The following UBE2E3 variants were observed in gnomAD, a reference collection of about 807,000 sequenced individuals.
The protein encoded by UBE2E3 is ubiquitin-conjugating enzyme E2 E3.
A neutral mutation model predicts 23.6 loss-of-function variants in UBE2E3; 5 were observed. That is an observed-to-expected ratio of 0.21 (90% CI 0.11 to 0.44). The LOEUF is 0.44. UBE2E3 is among the 20% of genes least tolerant of loss of function. The pLI is 0.99. For missense variants in UBE2E3, 81 were observed against 249.8 expected (o/e 0.32, Z 4.55); for synonymous variants, 78 against 87.5 (o/e 0.89, Z 0.60).
chr2:180,990,686 C>T (rs148220248), intron 3 of UBE2E3, among the ~76,000 whole-genome samples: 21 of 152,248 alleles, frequency 1.4e-4, no homozygotes, highest in Non-Finnish European at 2.5e-4. Context: ...TATATCCCTG[C>T]GTGATCTAGC....
At chr2:181,048,299 A>G (rs1156772382) in intron 3 of UBE2E3, among the ~76,000 whole-genome samples, 7 of 152,140 alleles carry the variant, frequency 4.6e-5, no homozygotes, top group Admixed American at 1.3e-4. Context: ...AGTTTCTTGT[A>G]CAGATTCCTA....
At chr2:181,046,119 A>C (rs143230595) in intron 3 of UBE2E3, among the ~76,000 whole-genome samples, 3 of 152,304 alleles carry the variant, frequency 2.0e-5, no homozygotes, top group Admixed American at 2.0e-4. Flanking sequence ...AGTAAATGTT[A>C]GAAGAGTGAA....
chr2:181,060,407 T>C (rs896087254), intron 4 of UBE2E3, among the ~76,000 whole-genome samples: 3 of 151,714 alleles, frequency 2.0e-5, no homozygotes, highest in African/African-American at 7.3e-5. Context: ...CCCACACACA[T>C]AGATGGAATT....
At chr2:181,044,990 C>T (rs938502566) in intron 3 of UBE2E3, among the ~76,000 whole-genome samples, 1 of 152,096 alleles carries the variant, frequency 6.6e-6, no homozygotes, top group African/African-American at 2.4e-5. Flanking sequence ...TTACATAGGA[C>T]ACTAAAATAA....
intron 3 of UBE2E3, among the ~76,000 whole-genome samples, chr2:181,026,713 T>C (rs1022009776): frequency 6.6e-6 from 1 of 151,702 alleles, no homozygotes. Context: ...TAGATTTCAT[T>C]ACCTCGACTG....
chr2:181,024,425 G>A (rs1433216670), intron 3 of UBE2E3, among the ~76,000 whole-genome samples: 2 of 152,052 alleles, frequency 1.3e-5, no homozygotes, highest in Non-Finnish European at 2.9e-5. Context: ...CAAGTATTTT[G>A]GAAACTGAGT....
chr2:181,049,563 G>A (rs956978135), intron 3 of UBE2E3, among the ~76,000 whole-genome samples: 2 of 151,936 alleles, frequency 1.3e-5, no homozygotes, highest in East Asian at 1.9e-4. Context: ...ACTTGACTGC[G>A]TTTGGATGAT....
intron 3 of UBE2E3, among the ~76,000 whole-genome samples, chr2:181,016,078 C>T (rs1386988143): frequency 6.9e-6 from 1 of 143,990 alleles, no homozygotes; most frequent in Non-Finnish European, 1.6e-5. Context: ...CATGCTACTT[C>T]TGGCATTCAT....
intron 3 of UBE2E3, chr2:180,990,182 G>A: frequency 1.9e-6 from 1 of 532,794 alleles, no homozygotes; most frequent in Non-Finnish European, 3.3e-6. Flanking sequence ...CAGCCACCAG[G>A]CTAGGCGACA....
At chr2:181,028,554 C>G (rs114355516) in intron 3 of UBE2E3, among the ~76,000 whole-genome samples, 177 of 152,250 alleles carry the variant, frequency 1.2e-3, no homozygotes, top group African/African-American at 4.1e-3. Flanking sequence ...GCAGGTTTAT[C>G]AACTCTGACA....
intron 3 of UBE2E3, among the ~76,000 whole-genome samples, chr2:181,052,316 T>G (rs2105474600): frequency 6.6e-6 from 1 of 151,970 alleles, no homozygotes; most frequent in African/African-American, 2.4e-5. Flanking sequence ...AGTTTCTGTT[T>G]CTGGTTAGGC....
At chr2:181,052,731 G>T (rs1686879697) in intron 3 of UBE2E3, among the ~76,000 whole-genome samples, 1 of 151,642 alleles carries the variant, frequency 6.6e-6, no homozygotes, top group Non-Finnish European at 1.5e-5. Flanking sequence ...ATCATATCAA[G>T]ACCTAGTTTT....
intron 1 of UBE2E3, 80 bp from the exon 2 acceptor site, chr2:180,981,938 A>T: frequency 9.5e-7 from 1 of 1,057,648 alleles, no homozygotes; most frequent in Non-Finnish European, 1.4e-6. Flanking sequence ...AGACGATTTT[A>T]GATGACTAGA....
chr2:181,013,336 G>C (rs1685390168), intron 3 of UBE2E3, among the ~76,000 whole-genome samples: 1 of 152,098 alleles, frequency 6.6e-6, no homozygotes, highest in Non-Finnish European at 1.5e-5. Context: ...GGTGGTTCTG[G>C]TTCAGGGTCT....
chr2:180,992,329 A>G (rs1396736861), intron 3 of UBE2E3, among the ~76,000 whole-genome samples: 3 of 152,202 alleles, frequency 2.0e-5, no homozygotes, highest in South Asian at 2.1e-4. Flanking sequence ...ATTCTTAAAC[A>G]CAAGTATTAA....
intron 3 of UBE2E3, among the ~76,000 whole-genome samples, chr2:181,018,106 G>A (rs1345969804): frequency 2.0e-5 from 3 of 151,970 alleles, no homozygotes; most frequent in African/African-American, 7.3e-5. Flanking sequence ...CTTCACTTAT[G>A]CCTGTGGGAC....
At chr2:181,044,292 G>A (rs1686606147) in intron 3 of UBE2E3, among the ~76,000 whole-genome samples, 1 of 152,076 alleles carries the variant, frequency 6.6e-6, no homozygotes, top group Non-Finnish European at 1.5e-5. Flanking sequence ...AATATACAGT[G>A]CTACAACTAA....
At chr2:181,029,278 T>C (rs1448296952) in intron 3 of UBE2E3, among the ~76,000 whole-genome samples, 1 of 152,154 alleles carries the variant, frequency 6.6e-6, no homozygotes, top group Admixed American at 6.6e-5. Context: ...CATTAGGAGC[T>C]GCCTGACGCA....
In UBE2E3 at chr2:181,051,258, C is replaced by G. The variant is rs1686838459; in HGVS notation, c.246-6435C>G. ...CATTATTTTTGAGAGCTATCTCTTGCTGAAAAATATAGGTCATTCATTTTA... is the reference window on the plus strand; with the variant it reads ...CATTATTTTTGAGAGCTATCTCTTGGTGAAAAATATAGGTCATTCATTTTA... On this transcript the variant is annotated intron_variant, in intron 3 of 5. Transcript: ENST00000410062. Among the ~76,000 whole-genome samples the G allele has an allele frequency of 2.6e-5, 4 of 151,748 alleles. No homozygotes were observed. In the South Asian group the frequency reaches 8.3e-4, roughly 31 times the overall value.
Sources: allele counts gnomAD v4.1 joint callset (sites outside exome capture counted in the v4.1 genomes callset), GRCh38; gene constraint gnomAD v4.1.1; transcripts MANE v1.5; gene names NCBI Gene and HGNC (gene_info 2026-07-23, HGNC 2026-07-21).